HSD3B1: variants seen among roughly 807,000 people sequenced by gnomAD.
HSD3B1 encodes the protein 3 beta-hydroxysteroid dehydrogenase/Delta 5-->4-isomerase type 1.
Under a neutral mutation model 10.4 loss-of-function variants are expected in HSD3B1, and 11 were observed. That is an observed-to-expected ratio of 1.05 (90% confidence interval 0.66 to 1.75). The LOEUF (loss-of-function observed/expected upper bound fraction) is 1.75, where lower values mean the gene tolerates loss of function less well. Among genes scored for constraint, HSD3B1 ranks in the 40% most tolerant of loss-of-function variants. HSD3B1 has a pLI of 0.00. For missense variants in HSD3B1, 490 were observed against 454.5 expected (o/e 1.08, Z -0.71); for synonymous variants, 217 against 185.4 (o/e 1.17, Z -1.39).
intron 3 of HSD3B1, 72 bp downstream of exon 3, chr1:119,511,739 A>G: frequency 6.9e-7 from 1 of 1,451,064 alleles, no homozygotes; most frequent in Admixed American, 1.7e-5. Flanking sequence ...GGAAGGGAAG[A>G]GAAGTCCCTC....
At chr1:119,511,812 C>G (rs1653947618) in intron 3 of HSD3B1, 145 bp downstream of exon 3, 8 of 732,078 alleles carry the variant, frequency 1.1e-5, no homozygotes, top group Non-Finnish European at 1.9e-5. Context: ...TAGGAGAGTT[C>G]AAGACTGCTA....
intron 2 of HSD3B1, 61 bp downstream of exon 2, chr1:119,507,682 G>C (rs1007718819): frequency 1.3e-6 from 2 of 1,533,686 alleles, no homozygotes; most frequent in African/African-American, 2.7e-5. Context: ...TATGTGGGGG[G>C]AGATGGACCT....
rs759395686 is a variant in HSD3B1, at chr1:119,514,402, G to T, written c.879G>T (p.Trp293Cys). Residue 293 changes from tryptophan to cysteine, a missense_variant, in exon 4 of 4, where the codon TGG (tryptophan) becomes TGT (cysteine). Coordinates refer to ENST00000369413, the MANE Select transcript of HSD3B1 (RefSeq NM_000862.3). ...GCTTTCCTTTATCCCTGATGTATTGGATTGGCTTCCTGCTGGAAATAGTGA... is the reference window on the plus strand; with the variant it reads ...GCTTTCCTTTATCCCTGATGTATTGTATTGGCTTCCTGCTGGAAATAGTGA... ...RWSFPLSLMY[W>C]IGFLLEIVSF... 6.2e-7 allele frequency: 1 copy of T among 1,614,118 alleles called. No individual in the cohort carries two copies. The highest frequency in any genetic ancestry group is 1.1e-5 in the South Asian group (1 of 91,084).
In HSD3B1 at chr1:119,513,739, T is replaced by A; in HGVS notation, c.311-95T>A. 4 of 1,161,920 alleles carry A rather than the reference T, an allele frequency of 3.4e-6. No individual in the cohort carries two copies. In the East Asian group the frequency reaches 9.4e-5, roughly 27 times the overall value. 72.0% of individuals were successfully genotyped at this position (1,161,920 alleles called of 1,614,324 possible). A position where few individuals can be genotyped will look rare whatever the true frequency, so the allele number is the denominator to read the frequency against. On this transcript the variant is annotated intron_variant, in intron 3 of 3. Transcript: ENST00000369413. ...CCCTGAGTCTGTTACAACCACCATA[T>A]TTGGGAGTGGGGGGTGGGGCACATA...
rs905083642 is a variant in HSD3B1, at chr1:119,513,992, C to A, written c.469C>A (p.His157Asn). Residue 157 changes from histidine to asparagine, a missense_variant, in exon 4 of 4, where the codon CAC (histidine) becomes AAC (asparagine). Transcript: ENST00000369413. ...LENTWPAPYP[H>N]SKKLAEKAVL... ...AAACACATGGCCCGCTCCATACCCA[C>A]ACAGCAAAAAGCTTGCTGAGAAGGC... The A allele has an allele frequency of 1.2e-6, 2 of 1,614,112 alleles. No homozygotes were observed. The highest frequency in any genetic ancestry group is 2.2e-5 in the South Asian group (2 of 91,080).
chr1:119,513,781 T>C, intron 3 of HSD3B1, 53 bp from the exon 4 acceptor site: 2 of 1,560,944 alleles, frequency 1.3e-6, no homozygotes, highest in Non-Finnish European at 1.8e-6. Context: ...TGTTCGTGGT[T>C]GGCACCTCTT....
At chr1:119,511,482 A>T (rs781122559) in intron 2 of HSD3B1, 21 bp from the exon 3 acceptor site, 13 of 1,613,002 alleles carry the variant, frequency 8.1e-6, no homozygotes, top group Admixed American at 3.3e-5. Flanking sequence ...CATTCCAATG[A>T]CCTGACCTGT....
intron 3 of HSD3B1, among the ~76,000 whole-genome samples, chr1:119,513,380 G>A (rs375849758): frequency 6.6e-6 from 1 of 152,290 alleles, no homozygotes; most frequent in South Asian, 2.1e-4. Context: ...ATGTGTGTGT[G>A]TGATGTGAAT....
chr1:119,512,400 T>C (rs995716744), intron 3 of HSD3B1, among the ~76,000 whole-genome samples: 5 of 151,970 alleles, frequency 3.3e-5, no homozygotes, highest in African/African-American at 1.2e-4. Flanking sequence ...GCTTTCCAAC[T>C]ACCTTAAATT....
intron 2 of HSD3B1, 79 bp downstream of exon 2, chr1:119,507,700 C>G (rs1305050339): frequency 6.9e-7 from 1 of 1,455,138 alleles, no homozygotes; most frequent in East Asian, 2.3e-5. Flanking sequence ...CCTTGTCTAG[C>G]AAGTTATTGA....
At chr1:119,510,629 A>G (rs1450639668) in intron 2 of HSD3B1, among the ~76,000 whole-genome samples, 5 of 149,160 alleles carry the variant, frequency 3.4e-5, no homozygotes, top group Non-Finnish European at 7.4e-5. Flanking sequence ...CCCCTATACC[A>G]GTCCATTTTA....
At chr1:119,512,524 T>C (rs1653966087) in intron 3 of HSD3B1, among the ~76,000 whole-genome samples, 2 of 151,824 alleles carry the variant, frequency 1.3e-5, no homozygotes, top group Admixed American at 1.3e-4. Flanking sequence ...GCATTTAGTC[T>C]ACTCTGACTC....
chr1:119,511,806 A>G lies in HSD3B1; in HGVS notation c.310+139A>G, dbSNP rs58258643. The G allele has an allele frequency of 7.7e-4, 601 of 781,210 alleles. No homozygotes were observed. In the African/African-American group the frequency reaches 9.3e-3, roughly 12 times the overall value. The allele number at this position is 781,210 out of a possible 1,614,324, so 48.4% of individuals were successfully genotyped here. Reference sequence around the variant, plus strand: ...GCCTTTGCTGATCACTACGAATAGGAGAGTTCAAGACTGCTAACTTTAGTT... The same window carrying G: ...GCCTTTGCTGATCACTACGAATAGGGGAGTTCAAGACTGCTAACTTTAGTT... On this transcript the variant is annotated intron_variant, in intron 3 of 3. Transcript: ENST00000369413.
At chr1:119,508,755 T>C (rs916862731) in intron 2 of HSD3B1, among the ~76,000 whole-genome samples, 2 of 152,162 alleles carry the variant, frequency 1.3e-5, no homozygotes, top group African/African-American at 4.8e-5. Context: ...GCCCAGAGGG[T>C]CCTGCCCTGC....
chr1:119,513,545 A>G (rs946706291), intron 3 of HSD3B1, among the ~76,000 whole-genome samples: 2 of 152,064 alleles, frequency 1.3e-5, no homozygotes, highest in Non-Finnish European at 2.9e-5. Context: ...AAAAGTGATA[A>G]CCCTAGGTCC....
chr1:119,508,684 C>G (rs1449404594), intron 2 of HSD3B1, among the ~76,000 whole-genome samples: 3 of 152,218 alleles, frequency 2.0e-5, no homozygotes, highest in African/African-American at 7.2e-5. Context: ...AAACAATTCC[C>G]TGTCCTCCTC....
Position 119,514,567 on chromosome 1 carries a change from A to G in HSD3B1, c.1044A>G (p.Glu348=). The G allele has an allele frequency of 6.2e-7, 1 of 1,613,958 alleles. No individual in the cohort carries two copies. Among genetic ancestry groups the G allele is most frequent in the Non-Finnish European group, 8.5e-7 (1 of 1,179,970 alleles). ...ATAAGCCACTCTACAGCTGGGAGGA[A>G]GCCAAGCAGAAAACGGTGGAGTGGG... ...LAYKPLYSWE[E]AKQKTVEWVG... Residue 348 remains glutamate, a synonymous_variant, in exon 4 of 4, where the codon GAA becomes GAG. Transcript: ENST00000369413.
rs1260736091 is a variant in HSD3B1 at position 119,507,748 on chromosome 1, G to A, written c.145+127G>A. 8 of 923,982 alleles carry A rather than the reference G, an allele frequency of 8.7e-6. No homozygotes were observed. In the East Asian group the frequency reaches 1.5e-4, roughly 17 times the overall value. The allele number at this position is 923,982 out of a possible 1,614,324, so 57.2% of individuals were successfully genotyped here. A position where few individuals can be genotyped will look rare whatever the true frequency, so the allele number is the denominator to read the frequency against. ...AATCTAAGCCAATCTCACATCCAAAGTCATCAAGAAATAAATATTAAATAG... is the reference window on the plus strand; with the variant it reads ...AATCTAAGCCAATCTCACATCCAAAATCATCAAGAAATAAATATTAAATAG... On this transcript the variant is annotated intron_variant, in intron 2 of 3. Transcript: ENST00000369413.
Position 119,507,545 on chromosome 1 carries a change from G to T in HSD3B1, c.69G>T (p.Leu23Phe), listed in dbSNP as rs1653821909. ...TGGGACAGAGGATCATCCGCCTCTTGGTGAAGGAGAAGGAGCTGAAGGAGA... is the reference window on the plus strand; with the variant it reads ...TGGGACAGAGGATCATCCGCCTCTTTGTGAAGGAGAAGGAGCTGAAGGAGA... ...GFLGQRIIRL[L>F]VKEKELKEIR... The change falls in exon 2 of 4, where the codon TTG becomes TTT. Residue 23 changes from leucine (L) to phenylalanine (F), a missense_variant. Transcript: ENST00000369413. 8 of 1,614,012 alleles carry T rather than the reference G, an allele frequency of 5.0e-6. No homozygotes were observed. The highest frequency in any genetic ancestry group is 6.8e-6 in the Non-Finnish European group (8 of 1,179,972).
Sources: gnomAD v4.1 joint callset for allele counts (sites outside exome capture counted in the v4.1 genomes callset) on GRCh38, gnomAD v4.1.1 for gene constraint, MANE v1.5 for transcripts, NCBI Gene and HGNC (gene_info 2026-07-23, HGNC 2026-07-21) for gene names.